DLEC1: variants seen among roughly 807,000 people sequenced by gnomAD.
DLEC1 encodes the protein deleted in lung and esophageal cancer protein 1.
Under a neutral mutation model 198.1 loss-of-function variants are expected in DLEC1, and 146 were observed. The observed-to-expected ratio is 0.74, with a 90% CI of 0.64 to 0.85. The LOEUF is 0.85. Ranked by LOEUF, DLEC1 falls within the 40% of genes least tolerant of loss-of-function variation. DLEC1 has a pLI of 0.00. For synonymous variants in DLEC1, 897 were observed against 866.8 expected, an observed-to-expected ratio of 1.03 and a Z score of -0.61; for missense variants, 2,233 against 2,220.0, an observed-to-expected ratio of 1.01 and a Z score of -0.12.
rs771914581 is a variant in DLEC1 at position 38,097,553 on chromosome 3, C to T, written c.2481C>T (p.Val827=). 6.2e-7 allele frequency: 1 copy of T among 1,614,210 alleles called. No individual in the cohort carries two copies. The highest frequency in any genetic ancestry group is 1.1e-5 in the South Asian group (1 of 91,080). The change falls in exon 17 of 37, where the codon GTC becomes GTT. Residue 827 remains valine (V), a synonymous_variant. Transcript: ENST00000308059. ...GDFELNFTGG[V]PGPTSQDLLC... ...TTGAGTTGAACTTTACTGGGGGTGT[C>T]CCTGGCCCCACAAGCCAGGACCTGC...
chr3:38,122,701 C>T lies in DLEC1; in HGVS notation c.*289C>T, dbSNP rs1700554938. ...GGCAAAATTAGTCTTGGAAAAAAAC[C>T]ACAGCCACTAAGATAAATTCATGCA... On this transcript the variant is annotated 3_prime_UTR_variant, in exon 37 of 37. Transcript: ENST00000308059. 7.2e-7 allele frequency: 1 copy of T among 1,392,738 alleles called. No homozygotes were observed. The highest frequency in any genetic ancestry group is 1.4e-5 in the African/African-American group (1 of 69,054). The allele number at this position is 1,392,738 out of a possible 1,614,324, so 86.3% of individuals were successfully genotyped here.
At chr3:38,043,747 G>A (rs1379961718) in intron 1 of DLEC1, among the ~76,000 whole-genome samples, 1 of 151,978 alleles carries the variant, frequency 6.6e-6, no homozygotes, top group Non-Finnish European at 1.5e-5. Context: ...AGGCTGCAGT[G>A]CAATGGCACA....
intron 19 of DLEC1, 105 bp from the exon 20 acceptor site, chr3:38,107,479 T>C (rs967177332): frequency 3.2e-6 from 4 of 1,243,874 alleles, no homozygotes; most frequent in African/African-American, 3.1e-5. Flanking sequence ...TCTAAAAATA[T>C]AGATACCTTG....
intron 2 of DLEC1, among the ~76,000 whole-genome samples, chr3:38,056,573 G>A (rs910075264): frequency 6.6e-5 from 10 of 152,150 alleles, no homozygotes; most frequent in African/African-American, 2.4e-4. Flanking sequence ...GCCTCCCAAA[G>A]TGCTGGGATT....
In DLEC1 at chr3:38,045,532, C is replaced by T. The variant is rs1700843095; in HGVS notation, c.412-11C>T. 1 of 1,610,268 alleles carries T rather than the reference C, an allele frequency of 6.2e-7. No individual in the cohort carries two copies. Reference sequence around the variant, plus strand: ...ACCATATTTCTGTGCATTTGATCATCCCCCTGCCAGATTCGGGAGCTCTAT... The same window carrying T: ...ACCATATTTCTGTGCATTTGATCATTCCCCTGCCAGATTCGGGAGCTCTAT... On this transcript the variant is annotated splice_polypyrimidine_tract_variant and intron_variant, in intron 1 of 36. Transcript: ENST00000308059.
chr3:38,110,976 G>A (rs773808253), intron 23 of DLEC1, among the ~76,000 whole-genome samples: 17 of 151,782 alleles, frequency 1.1e-4, no homozygotes, highest in Non-Finnish European at 2.1e-4. Flanking sequence ...ATACATACAT[G>A]CTCATATACA....
intron 13 of DLEC1, chr3:38,095,483 A>T (rs1231229263): frequency 3.3e-6 from 1 of 301,004 alleles, no homozygotes; most frequent in East Asian, 7.2e-5. Flanking sequence ...CTAGAAGGGA[A>T]TTCGAGCTGG....
intron 33 of DLEC1, among the ~76,000 whole-genome samples, chr3:38,119,923 A>G (rs914421857): frequency 1.3e-4 from 20 of 152,200 alleles, no homozygotes; most frequent in African/African-American, 4.6e-4. Flanking sequence ...GCAAGAATTT[A>G]TATTTTTAAC....
intron 12 of DLEC1, among the ~76,000 whole-genome samples, chr3:38,094,076 AGTTAT>A (rs1698885299): frequency 6.6e-6 from 1 of 152,186 alleles, no homozygotes; most frequent in Non-Finnish European, 1.5e-5. Context: ...CCCTTCAGGA[AGTTAT>A]GTTAGATAGT....
At chr3:38,078,715 G>C (rs576105183) in intron 6 of DLEC1, among the ~76,000 whole-genome samples, 2 of 152,308 alleles carry the variant, frequency 1.3e-5, no homozygotes, top group African/African-American at 4.8e-5. Context: ...AGCAAAGAGA[G>C]GCTGGGATGA....
chr3:38,052,965 T>A (rs570840306), intron 2 of DLEC1, among the ~76,000 whole-genome samples: 5 of 152,304 alleles, frequency 3.3e-5, no homozygotes, highest in African/African-American at 1.2e-4. Flanking sequence ...GGTTTTCGTA[T>A]TTTTTTGGTG....
intron 25 of DLEC1, among the ~76,000 whole-genome samples, chr3:38,113,124 A>G (rs746672973): frequency 6.6e-6 from 1 of 152,260 alleles, no homozygotes; most frequent in Non-Finnish European, 1.5e-5. Context: ...TCCAAGAAAG[A>G]CAAATACAGA....
intron 6 of DLEC1, among the ~76,000 whole-genome samples, chr3:38,066,807 C>T (rs888341553): frequency 7.2e-6 from 1 of 139,124 alleles, no homozygotes; most frequent in Non-Finnish European, 1.5e-5. Context: ...TATGGTAGCT[C>T]TATATGCTGA....
chr3:38,100,507 G>T (rs1165338241), intron 19 of DLEC1, 82 bp downstream of exon 19: 2 of 1,387,216 alleles, frequency 1.4e-6, no homozygotes, highest in Non-Finnish European at 1.9e-6. Context: ...TTTATCTAGA[G>T]ATGTTCTGGA....
intron 6 of DLEC1, among the ~76,000 whole-genome samples, chr3:38,076,196 G>C (rs1371775394): frequency 1.3e-5 from 2 of 152,210 alleles, no homozygotes; most frequent in African/African-American, 2.4e-5. Context: ...AGGGAGGTTG[G>C]AGAAGAGAGT....
Position 38,118,170 on chromosome 3 carries a change from G to C in DLEC1, c.4704+146G>C, listed in dbSNP as rs1018603236. On this transcript the variant is annotated intron_variant, in intron 33 of 36. Transcript: ENST00000308059. ...CCATACCCTGCATGAACACTCGGGG[G>C]TGCACTCCCACCAGAGACACCACAT... 41 of 888,108 alleles carry C rather than the reference G, an allele frequency of 4.6e-5. No homozygotes were observed. In the South Asian group the frequency reaches 6.5e-4, roughly 14 times the overall value. 55.0% of individuals were successfully genotyped at this position (888,108 alleles called of 1,614,324 possible).
chr3:38,086,322 G>T lies in DLEC1; in HGVS notation c.1517G>T (p.Ser506Ile), dbSNP rs1235690322. 1 of 1,613,434 alleles carries T rather than the reference G, an allele frequency of 6.2e-7. No homozygotes were observed. The highest frequency in any genetic ancestry group is 8.5e-7 in the Non-Finnish European group (1 of 1,179,636). Residue 506 changes from serine to isoleucine, a missense_variant, in exon 9 of 37, where the codon AGT becomes ATT. Transcript: ENST00000308059. ...TRFICKNVGF[S>I]VGRFCIMPKT... is the part of the protein sequence containing the mutation. ...TTCATCTGCAAAAATGTGGGTTTCA[G>T]TGTTGGCAGGTTCTGCATTATGCCC...
chr3:38,056,062 TACACACACACAC>T (rs57610638), intron 2 of DLEC1, among the ~76,000 whole-genome samples: 3,896 of 120,502 alleles, frequency 0.032, 61 homozygotes, highest in South Asian at 0.064. Flanking sequence ...CTACAAAAAA[TACACACACACAC>T]ACACACACAC....
chr3:38,072,010 G>A (rs1697346401), intron 6 of DLEC1, among the ~76,000 whole-genome samples: 1 of 152,180 alleles, frequency 6.6e-6, no homozygotes, highest in South Asian at 2.1e-4. Flanking sequence ...GCTGGTGAGT[G>A]GCAATTAGGC....
Sources: gnomAD v4.1 joint callset for allele counts (sites outside exome capture counted in the v4.1 genomes callset) on GRCh38, gnomAD v4.1.1 for gene constraint, MANE v1.5 for transcripts, NCBI Gene and HGNC (gene_info 2026-07-23, HGNC 2026-07-21) for gene names.